SPATS2: variants seen among roughly 807,000 people sequenced by gnomAD.
SPATS2 encodes spermatogenesis-associated serine-rich protein 2.
SPATS2 carries 38 observed loss-of-function variants against 63.7 expected under a neutral mutation model. The ratio of observed to expected loss-of-function variants is 0.60; its 90% confidence interval spans 0.46 to 0.78. The LOEUF is 0.78. Ranked by LOEUF, SPATS2 falls within the 30% of genes least tolerant of loss-of-function variation. The pLI is 0.00. For missense variants in SPATS2, 588 were observed against 666.2 expected (o/e 0.88, Z 1.29); for synonymous variants, 207 against 232.9 (o/e 0.89, Z 1.01).
intron 10 of SPATS2, among the ~76,000 whole-genome samples, chr12:49,516,722 A>G (rs990538213): frequency 2.0e-5 from 3 of 151,834 alleles, no homozygotes; most frequent in Non-Finnish European, 1.5e-5. Flanking sequence ...AAAAAAAAAA[A>G]AGAAAAGAAA....
chr12:49,421,286 C>T (rs1565713218), intron 2 of SPATS2, among the ~76,000 whole-genome samples: 4 of 151,824 alleles, frequency 2.6e-5, no homozygotes, highest in South Asian at 2.1e-4. Context: ...GGCATGGTGG[C>T]GTGCGCCTGT....
At chr12:49,518,224 G>A (rs1834269075) in intron 10 of SPATS2, among the ~76,000 whole-genome samples, 1 of 152,208 alleles carries the variant, frequency 6.6e-6, no homozygotes, top group South Asian at 2.1e-4. Context: ...GGAAGGAATA[G>A]CAGAGTCCCT....
intron 9 of SPATS2, among the ~76,000 whole-genome samples, chr12:49,502,535 C>T (rs867015870): frequency 1.3e-3 from 204 of 152,288 alleles, no homozygotes; most frequent in African/African-American, 4.7e-3. Flanking sequence ...ACTGCAACCT[C>T]CACCTCCTGG....
chr12:49,497,398 T>C (rs1030662157), intron 8 of SPATS2, among the ~76,000 whole-genome samples: 4 of 151,906 alleles, frequency 2.6e-5, no homozygotes, highest in Non-Finnish European at 5.9e-5. Context: ...TTGACTTTTT[T>C]TTTTTTTTTC....
At chr12:49,375,049 A>G (rs2137153074) in intron 2 of SPATS2, among the ~76,000 whole-genome samples, 1 of 151,442 alleles carries the variant, frequency 6.6e-6, no homozygotes, top group African/African-American at 2.4e-5. Context: ...TTAGCAGTCC[A>G]AATCCTATAA....
At chr12:49,511,214 T>C (rs1222932350) in intron 9 of SPATS2, among the ~76,000 whole-genome samples, 1 of 151,308 alleles carries the variant, frequency 6.6e-6, no homozygotes, top group East Asian at 1.9e-4. Context: ...AAAAAACACA[T>C]CTTATAGAAT....
intron 2 of SPATS2, among the ~76,000 whole-genome samples, chr12:49,436,835 G>A (rs1429230168): frequency 2.2e-5 from 3 of 137,736 alleles, no homozygotes; most frequent in African/African-American, 8.2e-5. Flanking sequence ...TCACCTCCTG[G>A]ACGGGGCGGC....
At chr12:49,398,684 T>C (rs1944555660) in intron 2 of SPATS2, among the ~76,000 whole-genome samples, 1 of 152,220 alleles carries the variant, frequency 6.6e-6, no homozygotes, top group Admixed American at 6.5e-5. Context: ...ATTGATGGTA[T>C]ATTTACTTGG....
intron 3 of SPATS2, chr12:49,462,415 G>A: frequency 1.4e-6 from 1 of 702,394 alleles, no homozygotes; most frequent in Non-Finnish European, 2.6e-6. Context: ...GACCCCCGAA[G>A]CTCCAGAGGG....
At chr12:49,496,778 A>G in intron 7 of SPATS2, 55 bp from the exon 8 acceptor site, 1 of 1,569,920 alleles carries the variant, frequency 6.4e-7, no homozygotes, top group South Asian at 1.2e-5. Context: ...GTACTTAAGA[A>G]TGACTGGTTT....
intron 2 of SPATS2, among the ~76,000 whole-genome samples, chr12:49,431,591 G>A (rs944997795): frequency 2.6e-5 from 4 of 152,162 alleles, no homozygotes; most frequent in Non-Finnish European, 5.9e-5. Flanking sequence ...TTCTCATTAT[G>A]TGGACAGATT....
In SPATS2 at chr12:49,524,322, C is replaced by CTG. The variant is rs139523768; in HGVS notation, c.1112-359_1112-358dup. On this transcript the variant is annotated intron_variant, in intron 12 of 13. Transcript: ENST00000552918. ...CTTAGAATGTTTCTTGCATAGGAAACTGAACATATGGTCTGTACTATTGTT... is the reference window on the plus strand; with the variant it reads ...CTTAGAATGTTTCTTGCATAGGAAACTGTGAACATATGGTCTGTACTATTGTT... Among the ~76,000 whole-genome samples the CTG allele has an allele frequency of 5.1e-4, 78 of 152,238 alleles. No homozygotes were observed. In the East Asian group the frequency reaches 7.1e-3, roughly 14 times the overall value.
Position 49,484,720 on chromosome 12 carries a change from G to A in SPATS2, c.105+51G>A, listed in dbSNP as rs375854103. ...AACTTAAATGTCATAGGAAAATTTA[G>A]GTACTAATACGACTAGTGGCTACCA... is the stretch of plus-strand genomic sequence containing the variant. On this transcript the variant is annotated intron_variant, in intron 4 of 13. Transcript: ENST00000552918. 445 of 1,541,738 alleles carry A rather than the reference G, an allele frequency of 2.9e-4. 1 individual carries two copies. Among genetic ancestry groups the A allele is most frequent in the South Asian group, 4.6e-4 (41 of 88,292 alleles).
chr12:49,413,389 T>A (rs1429749136), intron 2 of SPATS2, among the ~76,000 whole-genome samples: 1 of 152,092 alleles, frequency 6.6e-6, no homozygotes, highest in Non-Finnish European at 1.5e-5. Context: ...ATTTTAATTT[T>A]AATTTTTTTT....
At chr12:49,437,127 G>A (rs1312842752) in intron 2 of SPATS2, among the ~76,000 whole-genome samples, 1 of 151,888 alleles carries the variant, frequency 6.6e-6, no homozygotes, top group African/African-American at 2.4e-5. Context: ...TGGCTGCCGG[G>A]TGGAGGGGCT....
At chr12:49,505,161 A>G (rs1028405278) in intron 9 of SPATS2, among the ~76,000 whole-genome samples, 1 of 152,092 alleles carries the variant, frequency 6.6e-6, no homozygotes, top group Non-Finnish European at 1.5e-5. Context: ...AAAACTTAGG[A>G]ATCATTTTAT....
chr12:49,413,405 C>T (rs553042321), intron 2 of SPATS2, among the ~76,000 whole-genome samples: 97 of 151,668 alleles, frequency 6.4e-4, no homozygotes, highest in African/African-American at 1.9e-3. Flanking sequence ...TTTTTTTCCC[C>T]GTAGAGACAG....
At chr12:49,457,438 CT>C (rs529474329) in intron 2 of SPATS2, among the ~76,000 whole-genome samples, 185 of 145,584 alleles carry the variant, frequency 1.3e-3, no homozygotes, top group Non-Finnish European at 1.2e-3. Context: ...CTTTCATCCT[CT>C]TTTTTTTTTT....
At chr12:49,439,918 T>C (rs1257539877) in intron 2 of SPATS2, among the ~76,000 whole-genome samples, 1 of 152,328 alleles carries the variant, frequency 6.6e-6, no homozygotes, top group East Asian at 1.9e-4. Context: ...ACTTATGTTG[T>C]AGAAGTTTCA....
Sources: gnomAD v4.1 joint callset for allele counts (sites outside exome capture counted in the v4.1 genomes callset) on GRCh38, gnomAD v4.1.1 for gene constraint, MANE v1.5 for transcripts, NCBI Gene and HGNC (gene_info 2026-07-23, HGNC 2026-07-21) for gene names.